The following ARL17B variants were observed in gnomAD, a reference collection of about 807,000 sequenced individuals.
ARL17B encodes ADP-ribosylation factor-like protein 17.
At chr17:46,290,517 G>A (rs1431216042) in intron 4 of ARL17B, among the ~76,000 whole-genome samples, 5 of 152,212 alleles carry the variant, frequency 3.3e-5, no homozygotes, top group African/African-American at 1.2e-4. Context: ...CATGATCTCG[G>A]CTCACTGCAA....
intron 4 of ARL17B, among the ~76,000 whole-genome samples, chr17:46,279,404 G>A (rs2732695): frequency 0.12 from 18,428 of 148,730 alleles, 2 homozygotes; most frequent in Middle Eastern, 0.19. Flanking sequence ...GGCTGGTCTT[G>A]AACTCCCGAC....
intron 4 of ARL17B, among the ~76,000 whole-genome samples, chr17:46,289,732 T>G (rs1475268627): frequency 1.3e-5 from 2 of 152,236 alleles, no homozygotes; most frequent in Admixed American, 6.5e-5. Flanking sequence ...TTCCTAAATC[T>G]TATAGTCTCT....
chr17:46,325,021 G>A (rs2051655118), intron 3 of ARL17B, among the ~76,000 whole-genome samples: 1 of 76,174 alleles, frequency 1.3e-5, no homozygotes, highest in Admixed American at 1.4e-4. Flanking sequence ...TGCAAGATTA[G>A]CATGGAAAGG....
downstream of ARL17B, among the ~76,000 whole-genome samples, chr17:46,332,863 G>C (rs1371102628): frequency 6.7e-6 from 1 of 150,140 alleles, no homozygotes; most frequent in Non-Finnish European, 1.5e-5. Context: ...TCAGATCTCT[G>C]TGAATTGAAA....
intron 4 of ARL17B, among the ~76,000 whole-genome samples, chr17:46,278,223 G>A (rs1247663967): frequency 6.6e-6 from 1 of 152,152 alleles, no homozygotes; most frequent in Non-Finnish European, 1.5e-5. Flanking sequence ...TGGGATTACA[G>A]GCATAAGCCA....
At chr17:46,277,917 C>G (rs1166860838) in intron 4 of ARL17B, among the ~76,000 whole-genome samples, 4 of 152,032 alleles carry the variant, frequency 2.6e-5, no homozygotes, top group Non-Finnish European at 5.9e-5. Flanking sequence ...GCTAGGATTA[C>G]GGACATGAGC....
At chr17:46,341,317 G>A (rs2144212616) in intron 3 of ARL17B, among the ~76,000 whole-genome samples, 1 of 7,896 alleles carries the variant, frequency 1.3e-4, no homozygotes, top group Non-Finnish European at 2.8e-4. Flanking sequence ...ACCCCCATTC[G>A]AGAAGAGTGA....
intron 4 of ARL17B, among the ~76,000 whole-genome samples, chr17:46,279,500 C>CTTTTTTTTTT (rs369361891): frequency 2.4e-5 from 3 of 122,456 alleles, no homozygotes; most frequent in Non-Finnish European, 4.9e-5. Context: ...TTCTTTCTTT[C>CTTTTTTTTTT]TTTTTTTTTT....
chr17:46,277,323 A>T (rs2049617408), intron 4 of ARL17B, among the ~76,000 whole-genome samples: 1 of 152,188 alleles, frequency 6.6e-6, no homozygotes, highest in South Asian at 2.1e-4. Context: ...CAGGACCTCC[A>T]AGCAACTTCC....
intron 4 of ARL17B, among the ~76,000 whole-genome samples, chr17:46,276,790 C>CTTTTCTTTTTTTTTTTTTTTT (rs2049598576): frequency 4.5e-5 from 6 of 134,300 alleles, no homozygotes; most frequent in Non-Finnish European, 8.0e-5. Context: ...TTCTTTTTTT[C>CTTTTCTTTTTTTTTTTTTTTT]TTTTTTTTTT....
At chr17:46,274,401 C>A (rs1305399849), downstream of ARL17B, among the ~76,000 whole-genome samples, 3 of 152,218 alleles carry the variant, frequency 2.0e-5, no homozygotes, top group Admixed American at 2.0e-4. Context: ...CTTAGCCCAA[C>A]CTTTATGCAA....
chr17:46,311,330 A>AGTGGGTGAGG lies in ARL17B; in HGVS notation c.260-11675_260-11666dup, dbSNP rs2050788053. 6.1e-6 allele frequency: 2 copies of AGTGGGTGAGG among 328,138 alleles called. 1 individual carries two copies. Among genetic ancestry groups the AGTGGGTGAGG allele is most frequent in the African/African-American group, 4.7e-5 (2 of 42,600 alleles). The allele number at this position is 328,138 out of a possible 1,614,324, so 20.3% of individuals were successfully genotyped here. On this transcript the variant is annotated intron_variant, in intron 3 of 4. Transcript: ENST00000434041. ...CTTTCTCCCCAAGTACATCGCGCAT[A>AGTGGGTGAGG]GTGGGTGAGGGTCTAGGTCATCTGC... is the stretch of plus-strand genomic sequence containing the variant.
At chr17:46,284,977 C>T (rs886410522) in intron 4 of ARL17B, among the ~76,000 whole-genome samples, 4 of 152,212 alleles carry the variant, frequency 2.6e-5, no homozygotes, top group African/African-American at 9.7e-5. Context: ...GATCCTCTCA[C>T]CTCAGCCTCC....
chr17:46,274,628 C>T (rs926602161), downstream of ARL17B, among the ~76,000 whole-genome samples: 9 of 152,148 alleles, frequency 5.9e-5, no homozygotes, highest in African/African-American at 2.2e-4. Context: ...CAAATGAGGG[C>T]AGCAATAAAA....
intron 4 of ARL17B, among the ~76,000 whole-genome samples, chr17:46,278,396 A>ATT (rs1255080603): frequency 7.4e-6 from 1 of 136,040 alleles, no homozygotes; most frequent in Admixed American, 7.4e-5. Context: ...GTTTTGTTTT[A>ATT]TTTTGTTTTT....
chr17:46,281,203 T>C (rs1429515132), intron 4 of ARL17B, among the ~76,000 whole-genome samples: 2 of 152,172 alleles, frequency 1.3e-5, no homozygotes, highest in African/African-American at 2.4e-5. Context: ...TGGCTTATAA[T>C]GTTTATCAAC....
rs1175674683 is a variant in ARL17B, at chr17:46,323,801, C to T, written c.260-24136G>A. ...GCAGGTTCCTCATCCATAGATTCAA[C>T]GAACCATGGATGGAGAATATTTGGA... is the stretch of plus-strand genomic sequence containing the variant. On this transcript the variant is annotated intron_variant, in intron 3 of 4. Coordinates refer to the ARL17B transcript ENST00000434041. Among the ~76,000 whole-genome samples the T allele has an allele frequency of 4.0e-5, 4 of 101,264 alleles. 1 individual carries two copies. Among genetic ancestry groups the T allele is most frequent in the African/African-American group, 6.4e-5 (2 of 31,062 alleles). 66.4% of individuals were successfully genotyped at this position (101,264 alleles called of 152,430 possible). A position where few individuals can be genotyped will look rare whatever the true frequency, so the allele number is the denominator to read the frequency against.
chr17:46,324,083 G>A (rs1177398478), intron 3 of ARL17B, among the ~76,000 whole-genome samples: 5 of 119,114 alleles, frequency 4.2e-5, no homozygotes, highest in Admixed American at 3.4e-4. Flanking sequence ...GTAGTATTCC[G>A]GTTGTGTGGA....
chr17:46,275,182 G>C, exon 5 of ARL17B: 1 of 310,682 alleles, frequency 3.2e-6, no homozygotes, highest in Non-Finnish European at 5.7e-6. Context: ...GTGAGCCACC[G>C]CACCTGGCAA....
Sources: allele counts gnomAD v4.1 joint callset (sites outside exome capture counted in the v4.1 genomes callset), GRCh38; gene constraint gnomAD v4.1.1; transcripts MANE v1.5; gene names NCBI Gene and HGNC (gene_info 2026-07-23, HGNC 2026-07-21).